HSF5: variants seen among roughly 807,000 people sequenced by gnomAD.
HSF5 encodes the protein heat shock factor protein 5.
In HSF5, 5 loss-of-function variants were observed where a neutral mutation model predicts 50.8. That is an observed-to-expected ratio of 0.10 (90% CI 0.05 to 0.21). The LOEUF is 0.21. Among genes scored for constraint, HSF5 ranks in the 10% least tolerant of loss-of-function variants. The pLI, the probability that HSF5 is intolerant of heterozygous loss-of-function variation, is 1.00. For missense variants in HSF5, 564 were observed against 762.6 expected (o/e 0.74, Z 3.07); for synonymous variants, 307 against 307.4 (o/e 1.00, Z 0.02).
intron 1 of HSF5, among the ~76,000 whole-genome samples, chr17:58,484,838 T>A (rs1053955664): frequency 1.3e-5 from 2 of 152,060 alleles, no homozygotes; most frequent in Non-Finnish European, 2.9e-5. Context: ...AAATTCCAAA[T>A]GAACCAAGTA....
At chr17:58,486,036 G>C (rs1429832887) in intron 1 of HSF5, among the ~76,000 whole-genome samples, 1 of 150,100 alleles carries the variant, frequency 6.7e-6, no homozygotes, top group Non-Finnish European at 1.5e-5. Flanking sequence ...GCCATTGCAC[G>C]CCAGCCTGGG....
intron 2 of HSF5, 107 bp from the exon 3 acceptor site, chr17:58,467,086 T>C: frequency 1.5e-6 from 1 of 680,816 alleles, no homozygotes; most frequent in African/African-American, 1.8e-5. Context: ...TTGAAGAACT[T>C]CTTTTGTATG....
chr17:58,430,862 C>A (rs1338904003), intron 5 of HSF5, among the ~76,000 whole-genome samples: 1 of 152,164 alleles, frequency 6.6e-6, no homozygotes, highest in Non-Finnish European at 1.5e-5. Flanking sequence ...AATGTGTCAT[C>A]AGGTGATTTT....
chr17:58,486,740 A>T (rs1393511575), intron 1 of HSF5, among the ~76,000 whole-genome samples: 1 of 152,178 alleles, frequency 6.6e-6, no homozygotes, highest in Admixed American at 6.5e-5. Context: ...CATTCTACAC[A>T]TTAACCAGAA....
chr17:58,486,075 T>C (rs967496229), intron 1 of HSF5, among the ~76,000 whole-genome samples: 13 of 130,802 alleles, frequency 9.9e-5, no homozygotes, highest in African/African-American at 3.5e-4. Flanking sequence ...TCTCAAAAAG[T>C]AAAATAGGCA....
intron 5 of HSF5, among the ~76,000 whole-genome samples, chr17:58,425,602 A>C (rs12950068): frequency 1.4e-5 from 2 of 147,942 alleles, no homozygotes; most frequent in South Asian, 2.1e-4. Context: ...AAAAAAAAAA[A>C]CAGGTTAAAA....
intron 5 of HSF5, among the ~76,000 whole-genome samples, chr17:58,438,865 C>T (rs898726340): frequency 2.6e-5 from 4 of 151,976 alleles, no homozygotes; most frequent in Non-Finnish European, 4.4e-5. Context: ...ACCTGTAATC[C>T]CAGCACTTTG....
chr17:58,465,768 G>T (rs1358623920), intron 3 of HSF5, among the ~76,000 whole-genome samples: 2 of 152,096 alleles, frequency 1.3e-5, no homozygotes, highest in Non-Finnish European at 2.9e-5. Flanking sequence ...GGCAGTTACA[G>T]CATAAAAATA....
intron 4 of HSF5, among the ~76,000 whole-genome samples, chr17:58,460,760 C>T (rs974981402): frequency 2.6e-5 from 4 of 151,684 alleles, no homozygotes; most frequent in Non-Finnish European, 5.9e-5. Context: ...CTGTCCGCCT[C>T]GGCCTCCCAA....
intron 4 of HSF5, among the ~76,000 whole-genome samples, chr17:58,460,267 C>A (rs1214605196): frequency 6.6e-6 from 1 of 152,150 alleles, no homozygotes; most frequent in African/African-American, 2.4e-5. Flanking sequence ...GATCCTCCCA[C>A]CTCAGCTTCC....
At chr17:58,485,189 G>T (rs1851713470) in intron 1 of HSF5, among the ~76,000 whole-genome samples, 1 of 151,972 alleles carries the variant, frequency 6.6e-6, no homozygotes, top group African/African-American at 2.4e-5. Flanking sequence ...TCTTGACCTT[G>T]TGATCCGCCT....
intron 5 of HSF5, among the ~76,000 whole-genome samples, chr17:58,433,674 T>G (rs966848087): frequency 2.6e-4 from 39 of 152,192 alleles, no homozygotes; most frequent in African/African-American, 9.4e-4. Flanking sequence ...GTTGAAATAA[T>G]CTGTTCAAAT....
At chr17:58,436,098 A>G (rs1055033135) in intron 5 of HSF5, among the ~76,000 whole-genome samples, 2 of 152,114 alleles carry the variant, frequency 1.3e-5, no homozygotes, top group African/African-American at 4.8e-5. Flanking sequence ...CACACAGTAA[A>G]GAGCAGAATC....
intron 5 of HSF5, among the ~76,000 whole-genome samples, chr17:58,427,242 C>T (rs1455342726): frequency 6.6e-6 from 1 of 152,006 alleles, no homozygotes; most frequent in Non-Finnish European, 1.5e-5. Context: ...TCAGACTAAG[C>T]AACAGAGACA....
At chr17:58,464,823 G>C (rs537231717) in intron 3 of HSF5, among the ~76,000 whole-genome samples, 42 of 152,186 alleles carry the variant, frequency 2.8e-4, no homozygotes, top group Middle Eastern at 3.4e-3. Flanking sequence ...AGTAGAAACA[G>C]GGTTTCGCCA....
At position 58,462,767 on chromosome 17, in the gene HSF5, T is replaced by G; in HGVS notation, c.1542+15A>C. The G allele has an allele frequency of 1.3e-6, 2 of 1,563,946 alleles. No individual in the cohort carries two copies. Among genetic ancestry groups the G allele is most frequent in the Non-Finnish European group, 1.7e-6 (2 of 1,159,070 alleles). ...ACTTTGAGCTTTATAAGCATTTTTTTCTTTGCCCCCTTACCTGGTGTGTGC... is the reference window on the plus strand; with the variant it reads ...ACTTTGAGCTTTATAAGCATTTTTTGCTTTGCCCCCTTACCTGGTGTGTGC... On this transcript the variant is annotated intron_variant, in intron 4 of 5. Coordinates refer to ENST00000323777, the MANE Select transcript of HSF5 (RefSeq NM_001080439.3).
rs1048719762 is a variant in HSF5, at chr17:58,420,462, C to T, written c.*1898G>A. ...TGATTAAGGCATTTCATTAATTAAG[C>T]CTTAAAACAACTGAAACCAAATCTA... On this transcript the variant is annotated 3_prime_UTR_variant, in exon 6 of 6. Transcript: ENST00000323777. 3 of 152,126 alleles carry T rather than the reference C, an allele frequency of 2.0e-5. No homozygotes were observed. The highest frequency in any genetic ancestry group is 6.5e-5 in the Admixed American group (1 of 15,272). 9.4% of individuals were successfully genotyped at this position (152,126 alleles called of 1,614,324 possible). A position where few individuals can be genotyped will look rare whatever the true frequency, so the allele number is the denominator to read the frequency against.
intron 1 of HSF5, among the ~76,000 whole-genome samples, chr17:58,483,259 T>C (rs925159278): frequency 1.2e-4 from 19 of 152,244 alleles, no homozygotes; most frequent in Admixed American, 9.8e-4. Context: ...TGTCTACTTC[T>C]ATCATGATAA....
At chr17:58,487,376 T>C (rs1975199942) in intron 1 of HSF5, among the ~76,000 whole-genome samples, 1 of 152,192 alleles carries the variant, frequency 6.6e-6, no homozygotes, top group Admixed American at 6.5e-5. Context: ...AGTGTGGGTC[T>C]CAGGAAGGTA....
Sources: gnomAD v4.1 joint callset for allele counts (sites outside exome capture counted in the v4.1 genomes callset) on GRCh38, gnomAD v4.1.1 for gene constraint, MANE v1.5 for transcripts, NCBI Gene and HGNC (gene_info 2026-07-23, HGNC 2026-07-21) for gene names.